NPFFR2: variants seen among roughly 807,000 people sequenced by gnomAD.
NPFFR2 encodes the protein neuropeptide FF receptor 2, also known as G-protein coupled receptor 74.
Under a neutral mutation model 13.1 loss-of-function variants are expected in NPFFR2, and 15 were observed. The observed-to-expected ratio is 1.15, with a 90% CI of 0.77 to 1.76. The LOEUF (loss-of-function observed/expected upper bound fraction) is 1.76, where lower values mean the gene tolerates loss of function less well. NPFFR2 is among the 40% of genes most tolerant of loss of function. The pLI, the probability that NPFFR2 is intolerant of heterozygous loss-of-function variation, is 0.00. For missense variants in NPFFR2, 572 were observed against 503.5 expected (o/e 1.14, Z -1.30); for synonymous variants, 190 against 175.7 (o/e 1.08, Z -0.65).
At chr4:72,063,725 G>A (rs921908616) in intron 1 of NPFFR2, among the ~76,000 whole-genome samples, 2 of 152,150 alleles carry the variant, frequency 1.3e-5, no homozygotes, top group East Asian at 1.9e-4. Flanking sequence ...GGCATATGGC[G>A]CATAGAAATG....
At chr4:72,095,544 A>G (rs941764701) in intron 1 of NPFFR2, among the ~76,000 whole-genome samples, 4 of 152,224 alleles carry the variant, frequency 2.6e-5, no homozygotes, top group African/African-American at 9.6e-5. Context: ...CATGGTCTAC[A>G]TTATAATATT....
intron 1 of NPFFR2, among the ~76,000 whole-genome samples, chr4:72,068,475 T>G (rs11733188): frequency 0.88 from 133,307 of 152,204 alleles, 59,831 homozygotes; most frequent in Non-Finnish European, 0.98. Context: ...TACTTAATAA[T>G]ATCATGTTGC....
At chr4:72,146,681 C>G in intron 3 of NPFFR2, 1 of 298,220 alleles carries the variant, frequency 3.4e-6, no homozygotes, top group Non-Finnish European at 6.1e-6. Context: ...CTTAAAGAGA[C>G]GGTCCATGCA....
Position 72,147,262 on chromosome 4 carries a change from T to C in NPFFR2, c.713T>C (p.Met238Thr), listed in dbSNP as rs747727510. The C allele has an allele frequency of 1.8e-5, 29 of 1,614,162 alleles. No individual in the cohort carries two copies. Among genetic ancestry groups the C allele is most frequent in the Middle Eastern group, 3.3e-4 (2 of 6,062 alleles). The change falls in exon 4 of 4, where the codon ATG becomes ACG. Residue 238 changes from methionine to threonine, a missense_variant. Physicochemically the swap from Met to Thr is moderately conservative, Grantham distance 81 (BLOSUM62 -1). Transcript: ENST00000308744. ...GCTCCCCTCTCCCTCATTGTCATCA[T>C]GTATGGAAGGATTGGAATTTCACTC... ...YLAPLSLIVIMYGRIGISLFR... is the reference protein window; with the variant it reads ...YLAPLSLIVITYGRIGISLFR...
At chr4:72,038,018 C>G (rs989418161) in intron 1 of NPFFR2, among the ~76,000 whole-genome samples, 3 of 152,194 alleles carry the variant, frequency 2.0e-5, no homozygotes, top group African/African-American at 7.2e-5. Flanking sequence ...GTATCCAAAG[C>G]CTTACAGTTT....
At chr4:72,099,535 A>G (rs1308936345) in intron 1 of NPFFR2, among the ~76,000 whole-genome samples, 2 of 152,052 alleles carry the variant, frequency 1.3e-5, no homozygotes, top group Non-Finnish European at 2.9e-5. Flanking sequence ...TGGAAGGCAA[A>G]GCTAGAGCAG....
chr4:72,119,777 C>T (rs984472508), intron 1 of NPFFR2, among the ~76,000 whole-genome samples: 1 of 152,238 alleles, frequency 6.6e-6, no homozygotes, highest in Non-Finnish European at 1.5e-5. Flanking sequence ...ATGGTCTTTG[C>T]AACCTGCAGA....
At chr4:72,112,373 T>C (rs1721588303) in intron 1 of NPFFR2, among the ~76,000 whole-genome samples, 1 of 151,996 alleles carries the variant, frequency 6.6e-6, no homozygotes, top group Non-Finnish European at 1.5e-5. Flanking sequence ...TCTAAAGAGC[T>C]CCACTAAGTT....
chr4:72,061,206 A>G lies in NPFFR2; in HGVS notation c.-8+29006A>G, dbSNP rs955434652. 4.6e-5 allele frequency among the ~76,000 whole-genome samples: 7 copies of G among 152,318 alleles called. No homozygotes were observed. In the East Asian group the frequency reaches 1.4e-3, roughly 29 times the overall value. On this transcript the variant is annotated intron_variant, in intron 1 of 3. Transcript: ENST00000308744. ...CCTGGAGGCTAGTGAAACACTTTCT[A>G]TCTGCTGAAGCTCATAGAGCTGACT...
intron 1 of NPFFR2, among the ~76,000 whole-genome samples, chr4:72,053,053 T>TAA (rs1719637786): frequency 6.6e-6 from 1 of 151,676 alleles, no homozygotes; most frequent in East Asian, 1.9e-4. Context: ...CTAAAATATA[T>TAA]AAAACCAAGC....
chr4:72,126,756 A>G (rs572136198), intron 1 of NPFFR2, among the ~76,000 whole-genome samples: 11 of 152,304 alleles, frequency 7.2e-5, no homozygotes, highest in African/African-American at 2.2e-4. Flanking sequence ...CTGGTTGACA[A>G]TACTTTACAT....
intron 1 of NPFFR2, among the ~76,000 whole-genome samples, chr4:72,116,451 C>G (rs1045215696): frequency 4.0e-5 from 6 of 151,704 alleles, no homozygotes; most frequent in Non-Finnish European, 7.4e-5. Flanking sequence ...GGGTGAAAAA[C>G]TACCTATTGT....
At chr4:72,035,077 A>T (rs577584131) in intron 1 of NPFFR2, among the ~76,000 whole-genome samples, 1 of 152,326 alleles carries the variant, frequency 6.6e-6, no homozygotes, top group African/African-American at 2.4e-5. Context: ...ACCCCTCTAG[A>T]TTTCTCTGTT....
chr4:72,037,528 C>T (rs1216520794), intron 1 of NPFFR2, among the ~76,000 whole-genome samples: 3 of 152,100 alleles, frequency 2.0e-5, no homozygotes, highest in Non-Finnish European at 4.4e-5. Context: ...AGGATCACAT[C>T]TTCCAGTCTT....
At chr4:72,078,701 G>A (rs1720513068) in intron 1 of NPFFR2, among the ~76,000 whole-genome samples, 1 of 152,058 alleles carries the variant, frequency 6.6e-6, no homozygotes, top group East Asian at 1.9e-4. Flanking sequence ...TGGTATTGGT[G>A]AAGAAATTGA....
intron 1 of NPFFR2, among the ~76,000 whole-genome samples, chr4:72,036,973 A>G (rs1234469790): frequency 1.3e-5 from 2 of 152,186 alleles, no homozygotes; most frequent in African/African-American, 4.8e-5. Flanking sequence ...CAAGAGTGAC[A>G]TCTCAAACAC....
At chr4:72,065,579 T>C (rs1299262461) in intron 1 of NPFFR2, among the ~76,000 whole-genome samples, 5 of 152,218 alleles carry the variant, frequency 3.3e-5, no homozygotes, top group Admixed American at 1.3e-4. Context: ...TTATACAAAT[T>C]GACCCAAGGA....
At chr4:72,067,504 T>C (rs1394325758) in intron 1 of NPFFR2, among the ~76,000 whole-genome samples, 1 of 152,204 alleles carries the variant, frequency 6.6e-6, no homozygotes, top group Non-Finnish European at 1.5e-5. Context: ...TCAAATGGTC[T>C]CTTGGGTATA....
chr4:72,047,053 G>A (rs1461081217), intron 1 of NPFFR2, among the ~76,000 whole-genome samples: 2 of 152,138 alleles, frequency 1.3e-5, no homozygotes, highest in Non-Finnish European at 2.9e-5. Flanking sequence ...CATTCAGGCT[G>A]CTGCATGGCT....
Sources: allele counts gnomAD v4.1 joint callset (sites outside exome capture counted in the v4.1 genomes callset), GRCh38; gene constraint gnomAD v4.1.1; transcripts MANE v1.5; gene names NCBI Gene and HGNC (gene_info 2026-07-23, HGNC 2026-07-21).